Variants in LRP1B observed in about 807,000 individuals in gnomAD.
LRP1B encodes LDL receptor related protein 1B, also known as low-density lipoprotein receptor-related protein 1B.
A neutral mutation model predicts 556.6 loss-of-function variants in LRP1B; 217 were observed. That is an observed-to-expected ratio of 0.39 (90% CI 0.35 to 0.44). LRP1B has a LOEUF of 0.44. LRP1B is among the 20% of genes least tolerant of loss of function. The pLI, the probability that LRP1B is intolerant of heterozygous loss-of-function variation, is 1.00. For synonymous variants in LRP1B, 2,047 were observed against 1,865.8 expected, an observed-to-expected ratio of 1.10 and a Z score of -2.50; for missense variants, 5,053 against 5,620.8, an observed-to-expected ratio of 0.90 and a Z score of 3.23.
intron 1 of LRP1B, among the ~76,000 whole-genome samples, chr2:142,075,048 T>C (rs1217305734): frequency 1.3e-5 from 2 of 152,164 alleles, no homozygotes; most frequent in African/African-American, 4.8e-5. Flanking sequence ...AATTGGAGAT[T>C]ATATTTTATC....
chr2:140,520,796 C>CAAAAAAAAA, intron 49 of LRP1B, among the ~76,000 whole-genome samples: 1 of 18,008 alleles, frequency 5.6e-5, no homozygotes, highest in Admixed American at 6.0e-4. Flanking sequence ...ACTAAGAAAA[C>CAAAAAAAAA]AGAAAAAAAA....
chr2:142,056,527 T>G (rs1704678372), intron 1 of LRP1B, among the ~76,000 whole-genome samples: 1 of 152,100 alleles, frequency 6.6e-6, no homozygotes, highest in Non-Finnish European at 1.5e-5. Context: ...CCTCTGAGGC[T>G]GGCTGGATGT....
At chr2:141,287,212 T>A (rs1005768331) in intron 3 of LRP1B, among the ~76,000 whole-genome samples, 7 of 152,218 alleles carry the variant, frequency 4.6e-5, no homozygotes, top group Non-Finnish European at 1.0e-4. Flanking sequence ...TTATGTTCAT[T>A]ATTTCAGTTC....
At chr2:141,972,769 A>G (rs1345014416) in intron 1 of LRP1B, among the ~76,000 whole-genome samples, 1 of 151,660 alleles carries the variant, frequency 6.6e-6, no homozygotes, top group East Asian at 1.9e-4. Context: ...AGTGATGCCC[A>G]CTTTTAGTAT....
intron 20 of LRP1B, among the ~76,000 whole-genome samples, chr2:140,940,425 T>C (rs1315061960): frequency 2.6e-5 from 4 of 152,282 alleles, no homozygotes; most frequent in African/African-American, 9.6e-5. Flanking sequence ...GTGATGTATA[T>C]CCAGACTCTC....
intron 25 of LRP1B, among the ~76,000 whole-genome samples, chr2:140,880,289 T>G (rs1191235222): frequency 1.3e-5 from 2 of 152,156 alleles, no homozygotes; most frequent in Admixed American, 1.3e-4. Flanking sequence ...GTGAGTACCT[T>G]GTAGATTCTG....
At chr2:140,856,396 T>C (rs960888623) in intron 27 of LRP1B, among the ~76,000 whole-genome samples, 4 of 152,222 alleles carry the variant, frequency 2.6e-5, no homozygotes, top group African/African-American at 9.6e-5. Flanking sequence ...AATTAGACAA[T>C]TTATTGCTTG....
At chr2:141,662,428 A>G (rs970953877) in intron 2 of LRP1B, among the ~76,000 whole-genome samples, 9 of 152,304 alleles carry the variant, frequency 5.9e-5, no homozygotes, top group Middle Eastern at 3.4e-3. Context: ...GCTGTGTCCA[A>G]GAGACCCAGC....
At chr2:140,590,925 A>G (rs1213314564) in intron 43 of LRP1B, among the ~76,000 whole-genome samples, 1 of 152,218 alleles carries the variant, frequency 6.6e-6, no homozygotes, top group Non-Finnish European at 1.5e-5. Context: ...ATGGAAAAAT[A>G]TGTTTTACAT....
chr2:141,599,818 A>T (rs1157135756), intron 2 of LRP1B, among the ~76,000 whole-genome samples: 1 of 152,060 alleles, frequency 6.6e-6, no homozygotes, highest in African/African-American at 2.4e-5. Context: ...CCCTCTTGAA[A>T]CCTGACTTTC....
intron 2 of LRP1B, among the ~76,000 whole-genome samples, chr2:141,758,038 G>A (rs906647): frequency 0.42 from 63,033 of 151,674 alleles, 13,318 homozygotes; most frequent in East Asian, 0.54. Flanking sequence ...CAGGTTATGC[G>A]TAGCTGCATT....
intron 1 of LRP1B, among the ~76,000 whole-genome samples, chr2:141,877,426 T>C (rs1167039074): frequency 1.3e-5 from 2 of 151,970 alleles, no homozygotes; most frequent in Non-Finnish European, 2.9e-5. Context: ...GTAAAGGTCA[T>C]ATGTGTTACC....
intron 3 of LRP1B, among the ~76,000 whole-genome samples, chr2:141,360,647 C>A (rs16845924): frequency 0.047 from 7,191 of 152,200 alleles, 286 homozygotes; most frequent in African/African-American, 0.099. Flanking sequence ...GCCAGTATAT[C>A]AAAGCTGAGG....
intron 35 of LRP1B, among the ~76,000 whole-genome samples, chr2:140,742,607 A>C (rs930065142): frequency 5.3e-5 from 8 of 151,810 alleles, no homozygotes; most frequent in African/African-American, 1.9e-4. Flanking sequence ...ATCTATTATA[A>C]ATTTTTTTTT....
At chr2:140,282,800 T>C (rs1682969714) in intron 84 of LRP1B, among the ~76,000 whole-genome samples, 1 of 151,842 alleles carries the variant, frequency 6.6e-6, no homozygotes, top group African/African-American at 2.4e-5. Flanking sequence ...TTTGTCTCTC[T>C]ATCTATGGAT....
At chr2:140,332,423 T>G (rs1558808646) in intron 79 of LRP1B, among the ~76,000 whole-genome samples, 1 of 152,094 alleles carries the variant, frequency 6.6e-6, no homozygotes, top group Non-Finnish European at 1.5e-5. Context: ...GTCAGATCCA[T>G]GCATCTGTCA....
chr2:141,813,785 T>C (rs62155395), intron 1 of LRP1B, among the ~76,000 whole-genome samples: 2 of 152,142 alleles, frequency 1.3e-5, no homozygotes, highest in Non-Finnish European at 2.9e-5. Flanking sequence ...TTCTGGATTC[T>C]TGTCCCACAA....
intron 33 of LRP1B, 70 bp downstream of exon 33, chr2:140,776,028 T>A: frequency 2.4e-6 from 3 of 1,240,992 alleles, no homozygotes; most frequent in Non-Finnish European, 1.1e-6. Flanking sequence ...ATTGTTGAAT[T>A]GAGGAGCTAA....
intron 6 of LRP1B, among the ~76,000 whole-genome samples, chr2:141,214,536 A>G (rs1462818579): frequency 6.6e-6 from 1 of 152,140 alleles, no homozygotes; most frequent in African/African-American, 2.4e-5. Context: ...ACTCAGCCTA[A>G]GTGGAATAAA....
Sources: gnomAD v4.1 joint callset for allele counts (sites outside exome capture counted in the v4.1 genomes callset) on GRCh38, gnomAD v4.1.1 for gene constraint, MANE v1.5 for transcripts, NCBI Gene and HGNC (gene_info 2026-07-23, HGNC 2026-07-21) for gene names.